Variants in PFN1 observed in about 807,000 individuals in gnomAD.
PFN1 encodes the protein profilin 1, also known as profilin-1.
Under a neutral mutation model 11.7 loss-of-function variants are expected in PFN1, and 2 were observed. The ratio of observed to expected loss-of-function variants is 0.17; its 90% CI spans 0.07 to 0.54. The LOEUF is 0.54. PFN1 is among the 20% of genes least tolerant of loss of function. The probability of loss-of-function intolerance (pLI) is 0.94; values close to 1 mark genes in which losing one functional copy is unlikely to be tolerated. For missense variants in PFN1, 97 were observed against 188.4 expected, an observed-to-expected ratio of 0.51 and a Z score of 2.84; for synonymous variants, 78 against 76.2, an observed-to-expected ratio of 1.02 and a Z score of -0.12.
intron 1 of PFN1, 120 bp downstream of exon 1, chr17:4,948,143 G>T: frequency 1.6e-6 from 2 of 1,221,522 alleles, no homozygotes; most frequent in Non-Finnish European, 2.2e-6. Flanking sequence ...GCCGCTTCCA[G>T]GGCAAGCACC....
Position 4,948,471 on chromosome 17 carries a change from G to T in PFN1, c.-77C>A. 1.4e-6 allele frequency: 2 copies of T among 1,442,966 alleles called. No individual in the cohort carries two copies. The highest frequency in any genetic ancestry group is 2.8e-5 in the South Asian group (2 of 71,646). The allele number at this position is 1,442,966 out of a possible 1,614,324, so 89.4% of individuals were successfully genotyped here. A position where few individuals can be genotyped will look rare whatever the true frequency, so the allele number is the denominator to read the frequency against. ...GCTCGAGCTGCCTCGGCTGGCGGGC[G>T]GGGGGAGGCGGAGAGCTCGGGGCAC... On this transcript the variant is annotated 5_prime_UTR_variant, in exon 1 of 3. Coordinates refer to ENST00000225655, the MANE Select transcript of PFN1 (RefSeq NM_005022.4).
chr17:4,948,507 CCGGA>C lies in PFN1; in HGVS notation c.-117_-114del, dbSNP rs756255421. 1 of 1,236,876 alleles carries C rather than the reference CCGGA, an allele frequency of 8.1e-7. No homozygotes were observed. Among genetic ancestry groups the C allele is most frequent in the Admixed American group, 3.7e-5 (1 of 26,950 alleles). The allele number at this position is 1,236,876 out of a possible 1,614,324, so 76.6% of individuals were successfully genotyped here. A position where few individuals can be genotyped will look rare whatever the true frequency, so the allele number is the denominator to read the frequency against. ...GAGAGCTCGGGGCACGCGCTGCCGT[CCGGA>C]CCGCGGCTCCGCTCGCTGTGCAGCA... On this transcript the variant is annotated 5_prime_UTR_variant, in exon 1 of 3. Transcript: ENST00000225655.
intron 2 of PFN1, 60 bp downstream of exon 2, chr17:4,946,568 C>T: frequency 1.4e-6 from 2 of 1,401,096 alleles, no homozygotes; most frequent in South Asian, 1.3e-5. Context: ...CTCAAGATTA[C>T]CAGAAGGCGG....
rs2151134907 is a variant in PFN1 at position 4,946,918 on chromosome 17, C to T, written c.133-98G>A. On this transcript the variant is annotated intron_variant, in intron 1 of 2. Transcript: ENST00000225655. The stretch of plus-strand genomic sequence containing the variant: ...CCTGTCTTCCACTTCTGAGAACCAC[C>T]CCGCCGTGGGGGCTAAGTATAAATT... 9 of 1,051,806 alleles carry T rather than the reference C, an allele frequency of 8.6e-6. No homozygotes were observed. The East Asian group carries it at 2.2e-4, about 26-fold the overall frequency. 65.2% of individuals were successfully genotyped at this position (1,051,806 alleles called of 1,614,324 possible).
intron 2 of PFN1, among the ~76,000 whole-genome samples, chr17:4,946,223 T>C (rs1971388837): frequency 6.6e-6 from 1 of 150,936 alleles, no homozygotes; most frequent in South Asian, 2.1e-4. Context: ...ACTAAAAACT[T>C]AGGGGTCAAA....
chr17:4,946,722 T>C lies in PFN1; in HGVS notation c.231A>G (p.Ser77=). 5 of 1,614,130 alleles carry C rather than the reference T, an allele frequency of 3.1e-6. No homozygotes were observed. Among genetic ancestry groups the C allele is most frequent in the Non-Finnish European group, 4.2e-6 (5 of 1,179,978 alleles). ...TGCTAAATTCCCCATCCTGCAGCAG[T>C]GAGTCCCGGATCACCGAACATTTCT... ...GGQKCSVIRD[S]LLQDGEFSMD... is the part of the protein sequence containing the mutation. Residue 77 remains serine, a synonymous_variant, in exon 2 of 3, where the codon TCA becomes TCG. Transcript: ENST00000225655.
chr17:4,948,059 G>A (rs1048567570), intron 1 of PFN1: 6 of 505,536 alleles, frequency 1.2e-5, no homozygotes, highest in East Asian at 7.2e-5. Context: ...GTAGCGGGCG[G>A]GATGGGCGCC....
intron 1 of PFN1, 118 bp downstream of exon 1, chr17:4,948,145 G>A (rs376236042): frequency 1.8e-5 from 22 of 1,232,130 alleles, no homozygotes; most frequent in Middle Eastern, 2.9e-4. Context: ...CGCTTCCAGG[G>A]CAAGCACCCA....
In PFN1 at chr17:4,945,781, T is replaced by A; in HGVS notation, c.*119A>T. On this transcript the variant is annotated 3_prime_UTR_variant, in exon 3 of 3. Transcript: ENST00000225655. ...CAGCCCTGGCCCCCAGCCCATGTGG[T>A]TTTGGCAGCAATAAGGGGTATGGGG... 1.5e-6 allele frequency: 1 copy of A among 665,214 alleles called. No homozygotes were observed. The highest frequency in any genetic ancestry group is 2.8e-6 in the Non-Finnish European group (1 of 363,186). The allele number at this position is 665,214 out of a possible 1,614,324, so 41.2% of individuals were successfully genotyped here. A position where few individuals can be genotyped will look rare whatever the true frequency, so the allele number is the denominator to read the frequency against.
In PFN1 at chr17:4,946,118, G is replaced by A. The variant is rs529473892; in HGVS notation, c.326-121C>T. On this transcript the variant is annotated intron_variant, in intron 2 of 2. Transcript: ENST00000225655. ...AACCCAACCTCATCTCTCCCAACCCGCCCCCCCACCACACACAGGCAGGCT... is the reference window on the plus strand; with the variant it reads ...AACCCAACCTCATCTCTCCCAACCCACCCCCCCACCACACACAGGCAGGCT... 20 of 527,202 alleles carry A rather than the reference G, an allele frequency of 3.8e-5. 1 individual carries two copies. The highest frequency in any genetic ancestry group is 5.7e-4 in the Middle Eastern group (2 of 3,490). 32.7% of individuals were successfully genotyped at this position (527,202 alleles called of 1,614,324 possible). A position where few individuals can be genotyped will look rare whatever the true frequency, so the allele number is the denominator to read the frequency against.
intron 1 of PFN1, 152 bp from the exon 2 acceptor site, chr17:4,946,972 G>A (rs577984048): frequency 7.6e-5 from 41 of 538,946 alleles, no homozygotes; most frequent in Admixed American, 3.0e-4. Context: ...AATGAACTGT[G>A]AGAAACTCTG....
At chr17:4,947,629 G>T (rs1156792104) in intron 1 of PFN1, among the ~76,000 whole-genome samples, 1 of 152,104 alleles carries the variant, frequency 6.6e-6, no homozygotes, top group Non-Finnish European at 1.5e-5. Flanking sequence ...TTCTCACAAA[G>T]TTCCCCTGCT....
intron 1 of PFN1, chr17:4,947,086 G>C (rs1444392535): frequency 3.4e-6 from 1 of 295,534 alleles, no homozygotes; most frequent in Non-Finnish European, 6.3e-6. Flanking sequence ...TTAGATGTCA[G>C]TGTTAATGGG....
rs961035531 is a variant in PFN1 at position 4,948,476 on chromosome 17, G to A, written c.-82C>T. ...AGCTGCCTCGGCTGGCGGGCGGGGG[G>A]AGGCGGAGAGCTCGGGGCACGCGCT... On this transcript the variant is annotated 5_prime_UTR_variant, in exon 1 of 3. Coordinates refer to ENST00000225655, the MANE Select transcript of PFN1 (RefSeq NM_005022.4). 10 of 1,433,230 alleles carry A rather than the reference G, an allele frequency of 7.0e-6. No homozygotes were observed. The highest frequency in any genetic ancestry group is 2.8e-5 in the South Asian group (2 of 70,622). The allele number at this position is 1,433,230 out of a possible 1,614,324, so 88.8% of individuals were successfully genotyped here.
chr17:4,946,064 T>C, intron 2 of PFN1, 67 bp from the exon 3 acceptor site: 2 of 1,195,768 alleles, frequency 1.7e-6, no homozygotes, highest in African/African-American at 1.5e-5. Flanking sequence ...CTGCCAGCTG[T>C]TCAGCAGCTG....
In PFN1 at chr17:4,948,478, G is replaced by A. The variant is rs748461370; in HGVS notation, c.-84C>T. The A allele has an allele frequency of 7.0e-6, 10 of 1,429,480 alleles. No individual in the cohort carries two copies. The highest frequency in any genetic ancestry group is 5.5e-5 in the Admixed American group (2 of 36,244). The allele number at this position is 1,429,480 out of a possible 1,614,324, so 88.5% of individuals were successfully genotyped here. A position where few individuals can be genotyped will look rare whatever the true frequency, so the allele number is the denominator to read the frequency against. ...CTGCCTCGGCTGGCGGGCGGGGGGA[G>A]GCGGAGAGCTCGGGGCACGCGCTGC... On this transcript the variant is annotated 5_prime_UTR_variant, in exon 1 of 3. Transcript: ENST00000225655.
At chr17:4,946,514 T>A in intron 2 of PFN1, 114 bp downstream of exon 2, 1 of 766,062 alleles carries the variant, frequency 1.3e-6, no homozygotes, top group Non-Finnish European at 2.1e-6. Flanking sequence ...AACACAATAC[T>A]GGTCTGACTC....
At position 4,948,440 on chromosome 17, in the gene PFN1, G is replaced by A; in HGVS notation, c.-46C>T. 1 of 1,552,168 alleles carries A rather than the reference G, an allele frequency of 6.4e-7. No individual in the cohort carries two copies. The stretch of plus-strand genomic sequence containing the variant: ...TCTCGGCGCTGCTGCTGGGGCCGCG[G>A]ACTGGGCTCGAGCTGCCTCGGCTGG... On this transcript the variant is annotated 5_prime_UTR_variant, in exon 1 of 3. Transcript: ENST00000225655.
At chr17:4,947,759 G>A (rs758812100) in intron 1 of PFN1, among the ~76,000 whole-genome samples, 17 of 152,118 alleles carry the variant, frequency 1.1e-4, no homozygotes, top group Non-Finnish European at 1.8e-4. Flanking sequence ...CCTCTCTAAC[G>A]GAGTTAGGAG....
Sources: gnomAD v4.1 joint callset for allele counts (sites outside exome capture counted in the v4.1 genomes callset) on GRCh38, gnomAD v4.1.1 for gene constraint, MANE v1.5 for transcripts, NCBI Gene and HGNC (gene_info 2026-07-23, HGNC 2026-07-21) for gene names.